TENM2: variants seen among roughly 807,000 people sequenced by gnomAD.
The protein encoded by TENM2 is teneurin-2.
In TENM2, 52 loss-of-function variants were observed where a neutral mutation model predicts 245.2. The observed-to-expected ratio is 0.21, with a 90% CI of 0.17 to 0.27. The LOEUF (loss-of-function observed/expected upper bound fraction) is 0.27. Among genes scored for constraint, TENM2 ranks in the 10% least tolerant of loss-of-function variants. The probability of loss-of-function intolerance (pLI) is 1.00; values close to 1 mark genes in which losing one functional copy is unlikely to be tolerated. For synonymous variants in TENM2, 1,363 were observed against 1,438.9 expected (o/e 0.95, Z 1.19); for missense variants, 3,046 against 3,666.8 (o/e 0.83, Z 4.37).
the TENM2 span, among the ~76,000 whole-genome samples, chr5:167,255,865 TTCA>T: frequency 1.4e-3 from 213 of 152,262 alleles, 1 homozygote; most frequent in Non-Finnish European, 2.7e-3. Context: ...CTGTCTGCTC[TTCA>T]TCAGATATGT....
chr5:166,981,040 A>C, the TENM2 span, among the ~76,000 whole-genome samples: 8 of 152,184 alleles, frequency 5.3e-5, no homozygotes, highest in African/African-American at 1.2e-4. Flanking sequence ...CTTCAGCCCC[A>C]AAAAACAAAA....
chr5:167,289,362 T>G (rs1190398706), intron 1 of TENM2, among the ~76,000 whole-genome samples: 1 of 152,176 alleles, frequency 6.6e-6, no homozygotes, highest in Non-Finnish European at 1.5e-5. Flanking sequence ...CCTCAAAAAG[T>G]GCTTCTTTCC....
At chr5:167,989,093 G>A (rs1056557917) in intron 4 of TENM2, among the ~76,000 whole-genome samples, 1 of 152,142 alleles carries the variant, frequency 6.6e-6, no homozygotes, top group East Asian at 1.9e-4. Context: ...GATAACAGGA[G>A]TAAGGAATAT....
At chr5:167,193,521 C>G in the TENM2 span, among the ~76,000 whole-genome samples, 2 of 151,956 alleles carry the variant, frequency 1.3e-5, no homozygotes, top group African/African-American at 4.8e-5. Flanking sequence ...TGGGGACATT[C>G]TTTTCAACAT....
At chr5:167,766,131 A>G (rs566601206) in intron 2 of TENM2, among the ~76,000 whole-genome samples, 1 of 152,332 alleles carries the variant, frequency 6.6e-6, no homozygotes, top group South Asian at 2.1e-4. Context: ...AGAAATCACG[A>G]GGAGGGGAGC....
intron 6 of TENM2, among the ~76,000 whole-genome samples, chr5:168,056,793 A>AT (rs1376818374): frequency 2.0e-5 from 3 of 152,024 alleles, no homozygotes; most frequent in East Asian, 1.9e-4. Flanking sequence ...CTTATACCAT[A>AT]TTTTTTTACT....
At chr5:167,424,638 C>T (rs555479340) in intron 2 of TENM2, among the ~76,000 whole-genome samples, 1 of 152,118 alleles carries the variant, frequency 6.6e-6, no homozygotes, top group African/African-American at 2.4e-5. Context: ...TTAAAGTAGA[C>T]ATCTTTTAAA....
At chr5:167,536,822 AG>A (rs1436647731) in intron 2 of TENM2, among the ~76,000 whole-genome samples, 1 of 152,176 alleles carries the variant, frequency 6.6e-6, no homozygotes, top group East Asian at 1.9e-4. Context: ...GTTTGAGACC[AG>A]CCTGGCCAAC....
At chr5:168,236,838 G>A (rs980810005) in intron 25 of TENM2, among the ~76,000 whole-genome samples, 3 of 146,272 alleles carry the variant, frequency 2.1e-5, no homozygotes, top group Non-Finnish European at 4.5e-5. Flanking sequence ...TCCCTCCCAC[G>A]TTTGCCTATG....
chr5:167,289,784 A>G (rs529017268), intron 1 of TENM2, among the ~76,000 whole-genome samples: 97 of 152,342 alleles, frequency 6.4e-4, no homozygotes, highest in Non-Finnish European at 1.1e-3. Context: ...CAATTAACTT[A>G]TATAATAATT....
At chr5:167,657,881 A>G (rs1754952069) in intron 2 of TENM2, among the ~76,000 whole-genome samples, 1 of 152,198 alleles carries the variant, frequency 6.6e-6, no homozygotes, top group Admixed American at 6.5e-5. Context: ...ATGGAGCCAC[A>G]TGCATCTATA....
At chr5:167,367,348 T>C (rs1760120197) in intron 1 of TENM2, among the ~76,000 whole-genome samples, 1 of 152,138 alleles carries the variant, frequency 6.6e-6, no homozygotes, top group East Asian at 1.9e-4. Context: ...TATTAAAAAA[T>C]GTAATTCTTA....
intron 12 of TENM2, among the ~76,000 whole-genome samples, chr5:168,127,654 T>C (rs1795951137): frequency 6.6e-6 from 1 of 152,234 alleles, no homozygotes; most frequent in South Asian, 2.1e-4. Context: ...GGATTAAACG[T>C]ACCTAATCAT....
intron 13 of TENM2, chr5:168,187,724 T>C (rs11134491): frequency 0.76 from 116,309 of 152,148 alleles, 44,785 homozygotes; most frequent in East Asian, 0.93. Context: ...CTGCCAATGG[T>C]CCTCCAGATT....
chr5:167,506,385 G>A (rs1254588864), intron 2 of TENM2, among the ~76,000 whole-genome samples: 1 of 152,124 alleles, frequency 6.6e-6, no homozygotes, highest in Non-Finnish European at 1.5e-5. Flanking sequence ...ATAACAGGGA[G>A]ATAACTGCTT....
chr5:168,022,351 A>G (rs772806343), intron 5 of TENM2, among the ~76,000 whole-genome samples: 1 of 152,192 alleles, frequency 6.6e-6, no homozygotes, highest in Non-Finnish European at 1.5e-5. Context: ...TGTGAACATC[A>G]ATAGTTATTG....
At chr5:168,015,695 A>G (rs1018040932) in intron 5 of TENM2, among the ~76,000 whole-genome samples, 23 of 152,238 alleles carry the variant, frequency 1.5e-4, no homozygotes, top group Admixed American at 6.5e-5. Flanking sequence ...GGTGTTTCCC[A>G]TTCCTTCTCT....
chr5:167,865,006 G>T (rs1770663119), intron 2 of TENM2, among the ~76,000 whole-genome samples: 2 of 152,116 alleles, frequency 1.3e-5, no homozygotes, highest in Admixed American at 6.5e-5. Context: ...TTCGGCATCG[G>T]CATACAGTTC....
At chr5:168,106,085 C>T (rs999633692) in intron 9 of TENM2, among the ~76,000 whole-genome samples, 8 of 152,060 alleles carry the variant, frequency 5.3e-5, no homozygotes, top group Non-Finnish European at 1.2e-4. Context: ...ACACCAGAGC[C>T]GTAGTTGTTA....
Sources: gnomAD v4.1 joint callset for allele counts (sites outside exome capture counted in the v4.1 genomes callset) on GRCh38, gnomAD v4.1.1 for gene constraint, MANE v1.5 for transcripts, NCBI Gene and HGNC (gene_info 2026-07-23, HGNC 2026-07-21) for gene names.